Variants in TMEM117 observed in about 807,000 individuals in gnomAD.
The protein encoded by TMEM117 is transmembrane protein 117.
In TMEM117, 27 loss-of-function variants were observed where a neutral mutation model predicts 52.4. That is an observed-to-expected ratio of 0.51 (90% confidence interval 0.38 to 0.71). TMEM117 has a LOEUF of 0.71. Among genes scored for constraint, TMEM117 ranks in the 30% least tolerant of loss-of-function variants. TMEM117 has a pLI of 0.00. For missense variants in TMEM117, 556 were observed against 630.5 expected (o/e 0.88, Z 1.26); for synonymous variants, 215 against 206.3 (o/e 1.04, Z -0.36).
At chr12:44,342,887 G>A (rs1379941337) in intron 6 of TMEM117, among the ~76,000 whole-genome samples, 1 of 151,828 alleles carries the variant, frequency 6.6e-6, no homozygotes, top group Non-Finnish European at 1.5e-5. Context: ...TTGTTTCTGA[G>A]ACAGTCTCAC....
chr12:44,277,564 T>A (rs189851587), intron 5 of TMEM117, among the ~76,000 whole-genome samples: 1 of 152,210 alleles, frequency 6.6e-6, no homozygotes, highest in East Asian at 1.9e-4. Flanking sequence ...TACAAACTCT[T>A]TTCTATTGTT....
At chr12:43,967,829 A>G (rs1021306170) in intron 3 of TMEM117, among the ~76,000 whole-genome samples, 18 of 152,238 alleles carry the variant, frequency 1.2e-4, no homozygotes, top group Non-Finnish European at 2.6e-4. Context: ...TAACTAATGC[A>G]CTGCATATAA....
intron 2 of TMEM117, among the ~76,000 whole-genome samples, chr12:43,874,629 G>A (rs552633947): frequency 1.4e-4 from 22 of 152,196 alleles, no homozygotes; most frequent in South Asian, 4.1e-4. Context: ...TTAAATCCTG[G>A]GAGATAGCCT....
chr12:44,078,603 A>AT lies in TMEM117; in HGVS notation c.411-64913dup, dbSNP rs917215358. ...TCTGTTTTTACATGTTTACATTTCA[A>AT]TTTTTTTTTCCTGAGGATACTCAGT... On this transcript the variant is annotated intron_variant, in intron 3 of 7. Transcript: ENST00000266534. 1.5e-4 allele frequency among the ~76,000 whole-genome samples: 22 copies of AT among 151,274 alleles called. No homozygotes were observed. In the East Asian group the frequency reaches 2.7e-3, roughly 19 times the overall value.
chr12:44,342,003 T>C (rs1018352120), intron 6 of TMEM117, among the ~76,000 whole-genome samples: 13 of 152,036 alleles, frequency 8.6e-5, no homozygotes, highest in Non-Finnish European at 2.9e-5. Flanking sequence ...CTGGAATTCT[T>C]AGAGGCTACC....
In TMEM117 at chr12:43,864,058, G is replaced by A. The variant is rs530685419; in HGVS notation, c.277+19130G>A. ...CCGGGCCAGCAGCTGTGGAGGGTGC[G>A]CTGGGTCCCCCAGCAGTGCTGGCCC... On this transcript the variant is annotated intron_variant, in intron 2 of 7. Transcript: ENST00000266534. 1.4e-4 allele frequency among the ~76,000 whole-genome samples: 21 copies of A among 152,288 alleles called. No homozygotes were observed. The South Asian group carries it at 3.5e-3, about 26-fold the overall frequency.
chr12:43,980,258 C>G (rs191438425), intron 3 of TMEM117, among the ~76,000 whole-genome samples: 2 of 152,158 alleles, frequency 1.3e-5, no homozygotes. Flanking sequence ...CCCATTTAGG[C>G]TCTTCTGTGT....
At chr12:43,986,135 A>G (rs989097252) in intron 3 of TMEM117, among the ~76,000 whole-genome samples, 1 of 152,182 alleles carries the variant, frequency 6.6e-6, no homozygotes, top group African/African-American at 2.4e-5. Flanking sequence ...CTATGAAGTT[A>G]TTCTGTTCAG....
intron 6 of TMEM117, among the ~76,000 whole-genome samples, chr12:44,372,427 A>G (rs1951876923): frequency 6.6e-6 from 1 of 152,190 alleles, no homozygotes; most frequent in East Asian, 1.9e-4. Flanking sequence ...TTATGATGCC[A>G]GGAGAATCTC....
At chr12:44,096,257 A>G (rs552537118) in intron 3 of TMEM117, among the ~76,000 whole-genome samples, 5 of 152,240 alleles carry the variant, frequency 3.3e-5, no homozygotes, top group Non-Finnish European at 7.3e-5. Flanking sequence ...GTGGATAGGA[A>G]GAATCAATAT....
At chr12:44,233,690 C>G (rs147059846) in intron 5 of TMEM117, among the ~76,000 whole-genome samples, 1 of 151,118 alleles carries the variant, frequency 6.6e-6, no homozygotes, top group East Asian at 1.9e-4. Flanking sequence ...TTTTATTTAT[C>G]TTTATGAAAA....
intron 2 of TMEM117, among the ~76,000 whole-genome samples, chr12:43,851,876 T>C (rs1459714556): frequency 6.6e-6 from 1 of 152,232 alleles, no homozygotes; most frequent in African/African-American, 2.4e-5. Flanking sequence ...TTCCTTGCTA[T>C]AAATTTTGGT....
intron 5 of TMEM117, among the ~76,000 whole-genome samples, chr12:44,298,333 A>C (rs911128833): frequency 6.7e-6 from 1 of 150,060 alleles, no homozygotes; most frequent in Non-Finnish European, 1.5e-5. Context: ...ATGTTATTTC[A>C]CCTCTATGTT....
the TMEM117 span, among the ~76,000 whole-genome samples, chr12:44,395,160 T>C: frequency 6.6e-6 from 1 of 152,230 alleles, no homozygotes; most frequent in African/African-American, 2.4e-5. Flanking sequence ...TTGATAACCA[T>C]GAAATTACTA....
chr12:44,012,527 G>T (rs1428695745), intron 3 of TMEM117, among the ~76,000 whole-genome samples: 1 of 147,322 alleles, frequency 6.8e-6, no homozygotes, highest in Non-Finnish European at 1.5e-5. Context: ...TAGTTTTGGA[G>T]ATTTCTATTG....
intron 3 of TMEM117, among the ~76,000 whole-genome samples, chr12:44,045,418 G>A (rs919339887): frequency 4.6e-5 from 7 of 152,174 alleles, no homozygotes; most frequent in South Asian, 2.1e-4. Context: ...CATTTACTCC[G>A]GATATGGGTT....
At chr12:43,804,951 TGACA>T in the TMEM117 span, among the ~76,000 whole-genome samples, 3 of 152,240 alleles carry the variant, frequency 2.0e-5, no homozygotes, top group Non-Finnish European at 4.4e-5. Flanking sequence ...TTCAAGCTTA[TGACA>T]GACACTCCTT....
intron 2 of TMEM117, among the ~76,000 whole-genome samples, chr12:43,907,167 C>T (rs376382987): frequency 2.5e-4 from 38 of 152,174 alleles, no homozygotes; most frequent in Admixed American, 7.2e-4. Flanking sequence ...GCAGACTGCC[C>T]CCTCAAGTGG....
intron 4 of TMEM117, among the ~76,000 whole-genome samples, chr12:44,202,046 TAAATA>T (rs1200061282): frequency 6.6e-6 from 1 of 151,892 alleles, no homozygotes; most frequent in African/African-American, 2.4e-5. Context: ...TCAAAGATGA[TAAATA>T]AAATAGGAAT....
Sources: gnomAD v4.1 joint callset for allele counts (sites outside exome capture counted in the v4.1 genomes callset) on GRCh38, gnomAD v4.1.1 for gene constraint, MANE v1.5 for transcripts, NCBI Gene and HGNC (gene_info 2026-07-23, HGNC 2026-07-21) for gene names.